LRIG2: variants seen among roughly 807,000 people sequenced by gnomAD.
The protein encoded by LRIG2 is leucine-rich repeats and immunoglobulin-like domains protein 2.
Under a neutral mutation model 107.8 loss-of-function variants are expected in LRIG2, and 93 were observed. The observed-to-expected ratio is 0.86, with a 90% CI of 0.73 to 1.03. LRIG2 has a LOEUF of 1.03. Ranked by LOEUF, LRIG2 falls within the 50% of genes least tolerant of loss-of-function variation. The pLI, the probability that LRIG2 is intolerant of heterozygous loss-of-function variation, is 0.00. For synonymous variants in LRIG2, 471 were observed against 470.6 expected (o/e 1.00, Z -0.01); for missense variants, 1,226 against 1,296.0 (o/e 0.95, Z 0.83).
At chr1:113,106,705 A>G (rs1654555200) in intron 11 of LRIG2, among the ~76,000 whole-genome samples, 1 of 152,006 alleles carries the variant, frequency 6.6e-6, no homozygotes, top group Admixed American at 6.6e-5. Flanking sequence ...GGGTTTCGCC[A>G]TGTTGGCCAG....
At chr1:113,111,464 C>G (rs1345811426) in intron 13 of LRIG2, among the ~76,000 whole-genome samples, 1 of 152,070 alleles carries the variant, frequency 6.6e-6, no homozygotes, top group Non-Finnish European at 1.5e-5. Flanking sequence ...GTTTTTTATC[C>G]CTAGCCCCCG....
At chr1:113,100,680 T>C in intron 11 of LRIG2, 192 bp downstream of exon 11, 1 of 452,642 alleles carries the variant, frequency 2.2e-6, no homozygotes, top group South Asian at 3.3e-5. Context: ...AAGCCCAGAG[T>C]GTGTGGCACC....
In LRIG2 at chr1:113,089,676, C is replaced by CTTTTTTTTTTTTT. The variant is rs35515644; in HGVS notation, c.240-1632_240-1620dup. Among the ~76,000 whole-genome samples the CTTTTTTTTTTTTT allele has an allele frequency of 9.8e-5, 7 of 71,672 alleles. 2 individuals carry two copies. Among genetic ancestry groups the CTTTTTTTTTTTTT allele is most frequent in the Non-Finnish European group, 1.0e-4 (4 of 39,518 alleles). 47.0% of individuals were successfully genotyped at this position (71,672 alleles called of 152,430 possible). A position where few individuals can be genotyped will look rare whatever the true frequency, so the allele number is the denominator to read the frequency against. On this transcript the variant is annotated intron_variant, in intron 1 of 17. Transcript: ENST00000361127. Reference sequence around the variant, plus strand: ...ATTTCCTCTTACTGAAGGTGGATTGCTTTTTTTTTTTTTTTTTTTTTTGGA... The same window carrying CTTTTTTTTTTTTT: ...ATTTCCTCTTACTGAAGGTGGATTGCTTTTTTTTTTTTTTTTTTTTTTTTTTTTTTTTTTTGGA...
In LRIG2 at chr1:113,124,039, C is replaced by T. The variant is rs758342108; in HGVS notation, c.3136C>T (p.Gln1046Ter). The change falls in exon 18 of 18, where the codon CAG (glutamine) becomes TAG (stop). Residue 1046 changes from glutamine to a stop codon, truncating the protein, a stop_gained. Transcript: ENST00000361127. LOFTEE classifies it high-confidence loss of function. ...TTCTTCCATGTCCTGCCACAGGTTA[C>T]AGGATCATGCTTTTGATTTTAGTAG... is the stretch of plus-strand genomic sequence containing the variant. The part of the protein sequence containing the change: ...SASSMSCHRL[Q>*]DHAFDFSRTR... 2.2e-5 allele frequency: 35 copies of T among 1,613,994 alleles called. No individual in the cohort carries two copies. The highest frequency in any genetic ancestry group is 2.8e-5 in the Non-Finnish European group (33 of 1,180,032).
intron 8 of LRIG2, 92 bp downstream of exon 8, chr1:113,096,457 T>C: frequency 7.6e-7 from 1 of 1,318,902 alleles, no homozygotes. Flanking sequence ...AGTCTGCAAA[T>C]TCTGTATGCT....
rs1409273226 is a variant in LRIG2, at chr1:113,108,282, G to A, written c.1477+525G>A. Among the ~76,000 whole-genome samples the A allele has an allele frequency of 2.7e-5, 4 of 149,782 alleles. No homozygotes were observed. The East Asian group carries it at 8.0e-4, about 30-fold the overall frequency. ...TGCGTCACCCAGGCTGGAGTGCAGT[G>A]GTGCGATCTCAGCTCACTGCAACCT... On this transcript the variant is annotated intron_variant, in intron 12 of 17. Transcript: ENST00000361127.
At chr1:113,074,472 C>T (rs1438713204) in intron 1 of LRIG2, among the ~76,000 whole-genome samples, 1 of 152,210 alleles carries the variant, frequency 6.6e-6, no homozygotes, top group Non-Finnish European at 1.5e-5. Flanking sequence ...TAGTCTGAGT[C>T]AGCCTGGTGG....
At chr1:113,098,962 ACT>A (rs1381472769) in intron 9 of LRIG2, among the ~76,000 whole-genome samples, 177 bp downstream of exon 9, 3 of 151,806 alleles carry the variant, frequency 2.0e-5, no homozygotes, top group African/African-American at 7.3e-5. Context: ...ACTGAGTCTC[ACT>A]CTGTATCCCA....
chr1:113,114,707 C>T lies in LRIG2; in HGVS notation c.2361C>T (p.Pro787=). The T allele has an allele frequency of 6.2e-7, 1 of 1,614,116 alleles. No homozygotes were observed. ...TTTACCTAAATGTCATTTCATCCCC[C>T]AATTGTGACTCTTCCCAGAGTAGCA... ...GHIYLNVISS[P]NCDSSQSSIG... The change falls in exon 15 of 18, where the codon CCC becomes CCT. Residue 787 remains proline (P), a synonymous_variant. Transcript: ENST00000361127.
At chr1:113,119,836 G>A (rs1655171484) in intron 17 of LRIG2, among the ~76,000 whole-genome samples, 2 of 152,132 alleles carry the variant, frequency 1.3e-5, no homozygotes, top group Admixed American at 6.5e-5. Flanking sequence ...TTGAGACAGA[G>A]TATCACTGTG....
chr1:113,112,898 AG>A (rs1267672331), intron 14 of LRIG2, 138 bp downstream of exon 14: 12 of 881,798 alleles, frequency 1.4e-5, no homozygotes, highest in Non-Finnish European at 2.0e-5. Context: ...ATTTTATGCA[AG>A]GTTATGTCAG....
chr1:113,111,296 A>G (rs965780729), intron 13 of LRIG2, among the ~76,000 whole-genome samples: 6 of 152,232 alleles, frequency 3.9e-5, no homozygotes, highest in Non-Finnish European at 7.3e-5. Context: ...TTGGCCTCCC[A>G]AAGTATTCGG....
intron 1 of LRIG2, among the ~76,000 whole-genome samples, chr1:113,076,093 C>T (rs1303803314): frequency 6.6e-6 from 1 of 151,806 alleles, no homozygotes; most frequent in Admixed American, 6.6e-5. Flanking sequence ...GCAGCCTCTG[C>T]CTCCTGGGTT....
chr1:113,073,417 C>T lies in LRIG2; in HGVS notation c.11C>T (p.Ala4Val), dbSNP rs777099086. ...AGGTCGAGGGGGAAAATGGCGCCGGCGCCCCTAGGCGTCCCGGAGGAGCAG... is the reference window on the plus strand; with the variant it reads ...AGGTCGAGGGGGAAAATGGCGCCGGTGCCCCTAGGCGTCCCGGAGGAGCAG... MAP[A>V]PLGVPEEQLL... Residue 4 changes from alanine (A) to valine (V), a missense_variant, in exon 1 of 18, where the codon GCG becomes GTG. Physicochemically the swap from Ala to Val is moderately conservative, Grantham distance 64 (BLOSUM62 0). Transcript: ENST00000361127. The T allele has an allele frequency of 7.4e-6, 12 of 1,613,240 alleles. No homozygotes were observed. In the South Asian group the frequency reaches 1.1e-4, roughly 15 times the overall value.
At chr1:113,090,728 C>T (rs910679791) in intron 1 of LRIG2, among the ~76,000 whole-genome samples, 4 of 151,554 alleles carry the variant, frequency 2.6e-5, no homozygotes, top group African/African-American at 9.7e-5. Flanking sequence ...GTCCCAGCTA[C>T]TAGGGAGGCT....
chr1:113,101,912 T>A (rs533121161), intron 11 of LRIG2, among the ~76,000 whole-genome samples: 50 of 152,324 alleles, frequency 3.3e-4, no homozygotes, highest in Non-Finnish European at 5.7e-4. Flanking sequence ...CATAGCATAT[T>A]ACAGTAAATC....
At chr1:113,123,730 TGTGTGTGTGTG>T (rs1557924270) in intron 17 of LRIG2, 134 bp from the exon 18 acceptor site, 109 of 462,678 alleles carry the variant, frequency 2.4e-4, no homozygotes, top group Non-Finnish European at 3.6e-4. Flanking sequence ...GTGGTTTTTG[TGTGTGTGTGTG>T]TGTGTGTGTG....
At position 113,122,171 on chromosome 1, in the gene LRIG2, T is replaced by C. The variant is rs1655291225; in HGVS notation, c.2972-1704T>C. Among the ~76,000 whole-genome samples, 2 of 145,004 alleles carry C rather than the reference T, an allele frequency of 1.4e-5. 1 individual carries two copies. Among genetic ancestry groups the C allele is most frequent in the African/African-American group, 5.1e-5 (2 of 39,414 alleles). Reference sequence around the variant, plus strand: ...GATCTCGGCTCACTGCAACCTCCGCTTTCCGGGTTCAAGCGAGTCTCCTGC... The same window carrying C: ...GATCTCGGCTCACTGCAACCTCCGCCTTCCGGGTTCAAGCGAGTCTCCTGC... On this transcript the variant is annotated intron_variant, in intron 17 of 17. Coordinates refer to ENST00000361127, the MANE Select transcript of LRIG2 (RefSeq NM_014813.3).
chr1:113,094,318 C>T (rs1389555460), intron 4 of LRIG2, 21 bp from the exon 5 acceptor site: 1 of 1,572,458 alleles, frequency 6.4e-7, no homozygotes, highest in Non-Finnish European at 8.6e-7. Flanking sequence ...TTTTCTTTTG[C>T]TATTATCTTG....
Sources: allele counts gnomAD v4.1 joint callset (sites outside exome capture counted in the v4.1 genomes callset), GRCh38; gene constraint gnomAD v4.1.1; transcripts MANE v1.5; gene names NCBI Gene and HGNC (gene_info 2026-07-23, HGNC 2026-07-21).